JCHAIN: variants seen among roughly 807,000 people sequenced by gnomAD.
The protein encoded by JCHAIN is joining chain of multimeric IgA and IgM.
A neutral mutation model predicts 11.1 loss-of-function variants in JCHAIN; 5 were observed. The ratio of observed to expected loss-of-function variants is 0.45; its 90% CI spans 0.24 to 0.95. The LOEUF is 0.95. Ranked by LOEUF, JCHAIN falls within the 40% of genes least tolerant of loss-of-function variation. JCHAIN has a pLI of 0.21. For missense variants in JCHAIN, 165 were observed against 192.7 expected (o/e 0.86, Z 0.85); for synonymous variants, 51 against 67.8 (o/e 0.75, Z 1.22).
intron 2 of JCHAIN, among the ~76,000 whole-genome samples, chr4:70,661,371 C>T (rs1306147848): frequency 6.6e-6 from 1 of 152,160 alleles, no homozygotes; most frequent in Middle Eastern, 3.4e-3. Context: ...TGCCTTATCT[C>T]GATGCAGACA....
In JCHAIN at chr4:70,656,320, T is replaced by C; in HGVS notation, c.*9A>G. ...AGAAAAAGAGCTATGCAGTCAGCAA[T>C]GACTTAAATTAGTCAGGATAGCAGG... is the stretch of plus-strand genomic sequence containing the variant. On this transcript the variant is annotated 3_prime_UTR_variant, in exon 4 of 4. Coordinates refer to ENST00000254801, the MANE Select transcript of JCHAIN (RefSeq NM_144646.4). The C allele has an allele frequency of 1.9e-6, 3 of 1,598,208 alleles. No individual in the cohort carries two copies. The highest frequency in any genetic ancestry group is 2.2e-5 in the East Asian group (1 of 44,806).
intron 1 of JCHAIN, among the ~76,000 whole-genome samples, chr4:70,662,866 G>C (rs186256798): frequency 3.9e-4 from 60 of 152,106 alleles, no homozygotes; most frequent in Non-Finnish European, 7.2e-4. Flanking sequence ...GTCTGAGGCA[G>C]GAGAATCACT....
chr4:70,666,311 A>G, intron 1 of JCHAIN, 116 bp downstream of exon 1: 2 of 655,006 alleles, frequency 3.1e-6, no homozygotes, highest in South Asian at 2.0e-5. Flanking sequence ...GCATGTTAGG[A>G]AAAAGTAGCT....
intron 2 of JCHAIN, among the ~76,000 whole-genome samples, chr4:70,658,579 A>G (rs1312571144): frequency 2.6e-5 from 4 of 152,218 alleles, no homozygotes; most frequent in African/African-American, 9.6e-5. Context: ...GCCTGGTACT[A>G]TGCTAAGCAT....
chr4:70,660,441 T>C (rs1437380418), intron 2 of JCHAIN, among the ~76,000 whole-genome samples: 1 of 148,732 alleles, frequency 6.7e-6, no homozygotes, highest in African/African-American at 2.5e-5. Flanking sequence ...AGTGCAGCAA[T>C]GGCATGATCT....
chr4:70,661,281 C>T (rs1739055028), intron 2 of JCHAIN, among the ~76,000 whole-genome samples: 1 of 152,124 alleles, frequency 6.6e-6, no homozygotes. Context: ...TAGCATATAA[C>T]TCTGGACTGT....
intron 1 of JCHAIN, chr4:70,665,951 C>T (rs1421215073): frequency 1.1e-5 from 3 of 271,456 alleles, no homozygotes; most frequent in East Asian, 2.5e-4. Flanking sequence ...TATAGGCAAC[C>T]TGTATAACAT....
chr4:70,661,662 C>T (rs933944831), intron 2 of JCHAIN, among the ~76,000 whole-genome samples: 1 of 152,128 alleles, frequency 6.6e-6, no homozygotes, highest in African/African-American at 2.4e-5. Context: ...TGGGGTGGTG[C>T]ATGCCTGTAG....
chr4:70,662,640 AT>A (rs112964495), intron 1 of JCHAIN, among the ~76,000 whole-genome samples: 1 of 152,206 alleles, frequency 6.6e-6, no homozygotes, highest in African/African-American at 2.4e-5. Flanking sequence ...ACATGATTCA[AT>A]TTAAAAAAAG....
At chr4:70,656,851 T>C (rs1467739275) in intron 3 of JCHAIN, among the ~76,000 whole-genome samples, 1 of 152,194 alleles carries the variant, frequency 6.6e-6, no homozygotes, top group East Asian at 1.9e-4. Context: ...TTATTTATAG[T>C]GACAAGAAAG....
intron 1 of JCHAIN, among the ~76,000 whole-genome samples, chr4:70,664,563 A>G (rs1205798848): frequency 6.6e-6 from 1 of 152,186 alleles, no homozygotes; most frequent in Non-Finnish European, 1.5e-5. Flanking sequence ...CATTATTCAT[A>G]AGTTCCTAAT....
chr4:70,663,062 C>T (rs1485188262), intron 1 of JCHAIN, among the ~76,000 whole-genome samples: 1 of 151,862 alleles, frequency 6.6e-6, no homozygotes, highest in Non-Finnish European at 1.5e-5. Flanking sequence ...GAGGTACAAT[C>T]TCAATTGAAT....
intron 2 of JCHAIN, among the ~76,000 whole-genome samples, chr4:70,660,199 G>T (rs1739028122): frequency 6.6e-6 from 1 of 152,014 alleles, no homozygotes; most frequent in African/African-American, 2.4e-5. Flanking sequence ...AGCTATGTGG[G>T]CAGGATCTGA....
rs576956923 is a variant in JCHAIN, at chr4:70,657,191, T to G, written c.269+20A>C. ...ATTAACTTCCACATCTATATTACTA[T>G]GGAAAAAAATATATCTTACAGGTCA... On this transcript the variant is annotated intron_variant, in intron 3 of 3. Coordinates refer to ENST00000254801, the MANE Select transcript of JCHAIN (RefSeq NM_144646.4). 3.6e-5 allele frequency: 50 copies of G among 1,397,084 alleles called. No homozygotes were observed. In the East Asian group the frequency reaches 8.2e-4, roughly 23 times the overall value. 86.5% of individuals were successfully genotyped at this position (1,397,084 alleles called of 1,614,324 possible).
chr4:70,662,652 G>C (rs76190865), intron 1 of JCHAIN, among the ~76,000 whole-genome samples: 3 of 152,032 alleles, frequency 2.0e-5, no homozygotes, highest in African/African-American at 7.3e-5. Flanking sequence ...TTAAAAAAAG[G>C]CTATATTTCT....
At chr4:70,657,320 A>T in intron 2 of JCHAIN, 29 bp from the exon 3 acceptor site, 1 of 1,348,224 alleles carries the variant, frequency 7.4e-7, no homozygotes, top group Non-Finnish European at 1.1e-6. Context: ...AACAAAGTTA[A>T]AACAATGAAA....
At chr4:70,666,110 A>G (rs2148529772) in intron 1 of JCHAIN, among the ~76,000 whole-genome samples, 1 of 152,296 alleles carries the variant, frequency 6.6e-6, no homozygotes, top group South Asian at 2.1e-4. Flanking sequence ...CAGAATATTA[A>G]TTTAAGAGAC....
intron 2 of JCHAIN, among the ~76,000 whole-genome samples, chr4:70,661,563 G>T (rs1739058638): frequency 1.3e-5 from 2 of 152,308 alleles, no homozygotes; most frequent in South Asian, 4.1e-4. Flanking sequence ...GCCAAGGCAG[G>T]AGGATCGCTT....
At chr4:70,657,325 A>C in intron 2 of JCHAIN, 34 bp from the exon 3 acceptor site, 1 of 1,293,694 alleles carries the variant, frequency 7.7e-7, no homozygotes, top group East Asian at 2.3e-5. Flanking sequence ...AGTTAAAACA[A>C]TGAAATGCAG....
Sources: gnomAD v4.1 joint callset for allele counts (sites outside exome capture counted in the v4.1 genomes callset) on GRCh38, gnomAD v4.1.1 for gene constraint, MANE v1.5 for transcripts, NCBI Gene and HGNC (gene_info 2026-07-23, HGNC 2026-07-21) for gene names.